GBF1: variants seen among roughly 807,000 people sequenced by gnomAD.
The protein encoded by GBF1 is golgi brefeldin A resistant guanine nucleotide exchange factor 1.
GBF1 carries 114 observed loss-of-function variants against 210.5 expected under a neutral mutation model. The ratio of observed to expected loss-of-function variants is 0.54; its 90% CI spans 0.47 to 0.63. The LOEUF is 0.63. GBF1 is among the 30% of genes least tolerant of loss of function. GBF1 has a pLI of 0.00. For missense variants in GBF1, 1,851 were observed against 2,357.7 expected, an observed-to-expected ratio of 0.79 and a Z score of 4.45; for synonymous variants, 850 against 889.2, an observed-to-expected ratio of 0.96 and a Z score of 0.78.
intron 3 of GBF1, among the ~76,000 whole-genome samples, chr10:102,286,421 G>A (rs1023303595): frequency 1.3e-5 from 2 of 152,184 alleles, no homozygotes; most frequent in African/African-American, 4.8e-5. Context: ...TTAGGTCCCA[G>A]TGGGATTATT....
At chr10:102,288,947 A>G (rs2076215148) in intron 3 of GBF1, among the ~76,000 whole-genome samples, 1 of 151,916 alleles carries the variant, frequency 6.6e-6, no homozygotes, top group South Asian at 2.1e-4. Flanking sequence ...CTGAAAATAC[A>G]AAAAAATTAT....
intron 36 of GBF1, 23 bp downstream of exon 36, chr10:102,379,977 C>A (rs762571192): frequency 4.1e-6 from 6 of 1,459,370 alleles, no homozygotes; most frequent in East Asian, 4.6e-5. Flanking sequence ...ACCCTATACC[C>A]ACCCTCTCTC....
chr10:102,374,996 C>A (rs1421915293), intron 29 of GBF1, among the ~76,000 whole-genome samples: 1 of 151,566 alleles, frequency 6.6e-6, no homozygotes, highest in African/African-American at 2.4e-5. Flanking sequence ...CATAGCGAGA[C>A]CCCATCTTTC....
At chr10:102,319,724 C>CTTTTTTTTTTTT (rs2056214057) in intron 3 of GBF1, among the ~76,000 whole-genome samples, 1 of 144,510 alleles carries the variant, frequency 6.9e-6, no homozygotes, top group Non-Finnish European at 1.5e-5. Context: ...TTTTCTTTTT[C>CTTTTTTTTTTTT]TTTCTTTTTT....
At chr10:102,231,185 C>T in the GBF1 span, 5 of 1,315,632 alleles carry the variant, frequency 3.8e-6, no homozygotes, top group Middle Eastern at 2.1e-4. Flanking sequence ...GGGCTTCCAG[C>T]CGGGGCCCTG....
intron 1 of GBF1, among the ~76,000 whole-genome samples, chr10:102,258,088 A>G (rs946987372): frequency 6.6e-6 from 1 of 151,378 alleles, no homozygotes; most frequent in Non-Finnish European, 1.5e-5. Context: ...AAAGACCCCC[A>G]GGAGAGCCAG....
Position 102,366,439 on chromosome 10 carries a change from C to G in GBF1, c.2366C>G (p.Ala789Gly), listed in dbSNP as rs779808759. 2 of 1,613,856 alleles carry G rather than the reference C, an allele frequency of 1.2e-6. No homozygotes were observed. The highest frequency in any genetic ancestry group is 2.2e-5 in the East Asian group (1 of 44,896). The change falls in exon 19 of 40, where the codon GCC becomes GGC. Residue 789 changes from alanine to glycine, a missense_variant. By Grantham distance (60) the Ala-to-Gly change is moderately conservative. This residue lies in a region of GBF1 where 80 missense variants were observed against 151.4 expected (regional missense o/e 0.53). Coordinates refer to ENST00000369983, the MANE Select transcript of GBF1 (RefSeq NM_001377137.1). This position sits in a 1 kb window ranked among gnomAD's most constrained non-coding sequence, Gnocchi z 4.0. Reference sequence around the variant, plus strand: ...GAAGCCCTCCGCCTCTACCTGGAAGCCTTCCGTTTGCCTGGGGAAGCACCA... The same window carrying G: ...GAAGCCCTCCGCCTCTACCTGGAAGGCTTCCGTTTGCCTGGGGAAGCACCA... ...LDEALRLYLE[A>G]FRLPGEAPVI...
In GBF1 at chr10:102,248,539, G is replaced by A. The variant is rs562150334; in HGVS notation, c.-11+2758G>A. On this transcript the variant is annotated intron_variant, in intron 1 of 39. Transcript: ENST00000369983. ...TGTGCCTAAATGCCAGGCAGGTAAT[G>A]TAAATGAGTTAATTGAGTCCCATGG... 7.2e-5 allele frequency among the ~76,000 whole-genome samples: 11 copies of A among 152,280 alleles called. No homozygotes were observed. The South Asian group carries it at 2.1e-3, about 29-fold the overall frequency.
At chr10:102,246,761 G>C (rs1161968659) in intron 1 of GBF1, among the ~76,000 whole-genome samples, 1 of 152,180 alleles carries the variant, frequency 6.6e-6, no homozygotes, top group African/African-American at 2.4e-5. Context: ...AGTCCACCAA[G>C]GGTAACGAAT....
At chr10:102,378,228 A>G (rs1013748720) in intron 33 of GBF1, among the ~76,000 whole-genome samples, 66 of 152,018 alleles carry the variant, frequency 4.3e-4, no homozygotes, top group African/African-American at 1.5e-3. Flanking sequence ...AAAAAAAAAA[A>G]AAAGAAAGAA....
chr10:102,382,280 C>T lies in GBF1; in HGVS notation c.5527C>T (p.Pro1843Ser), dbSNP rs2060905678. The T allele has an allele frequency of 2.5e-6, 4 of 1,613,896 alleles. No individual in the cohort carries two copies. The highest frequency in any genetic ancestry group is 3.4e-6 in the Non-Finnish European group (4 of 1,179,852). Residue 1843 changes from proline (P) to serine (S), a missense_variant, in exon 40 of 40, where the codon CCC (proline) becomes TCC (serine). Pro to Ser is a moderately conservative substitution (Grantham distance 74, BLOSUM62 -1). Coordinates refer to ENST00000369983, the MANE Select transcript of GBF1 (RefSeq NM_001377137.1). ...PALIEATSPV[P>S]LLATPRPTDP... ...GCTCATCGAGGCCACCTCACCAGTG[C>T]CCCTCCTGGCCACACCCCGCCCCAC...
intron 8 of GBF1, 134 bp downstream of exon 8, chr10:102,353,788 C>T (rs1297905383): frequency 4.5e-6 from 3 of 662,068 alleles, no homozygotes; most frequent in Admixed American, 2.6e-5. Flanking sequence ...AAGTAGCTCT[C>T]ACTCCTTTCG....
chr10:102,380,293 T>C lies in GBF1; in HGVS notation c.4923T>C (p.Phe1641=). Residue 1641 remains phenylalanine (F), a synonymous_variant, in exon 37 of 40, where the codon TTT becomes TTC. Transcript: ENST00000369983. ...CTCCACTGCTGTCACTCTCTACCTT[T>C]GCGGCCCTCTGGCTCACCATCTTGG... ...HLSPLLSLST[F]AALWLTILDF... 6.2e-7 allele frequency: 1 copy of C among 1,614,070 alleles called. No homozygotes were observed. The highest frequency in any genetic ancestry group is 8.5e-7 in the Non-Finnish European group (1 of 1,179,960).
intron 3 of GBF1, among the ~76,000 whole-genome samples, chr10:102,293,934 C>T (rs961123361): frequency 2.6e-5 from 4 of 151,418 alleles, no homozygotes; most frequent in South Asian, 4.2e-4. Context: ...CCCACCACCA[C>T]GCCCAGCTAA....
chr10:102,317,564 G>T (rs1464066469), intron 3 of GBF1, among the ~76,000 whole-genome samples: 1 of 152,144 alleles, frequency 6.6e-6, no homozygotes, highest in Middle Eastern at 3.4e-3. Flanking sequence ...GGTTGCTGTG[G>T]CCAAAATCAC....
chr10:102,273,686 G>GT (rs1384407469), intron 3 of GBF1, among the ~76,000 whole-genome samples: 1 of 152,234 alleles, frequency 6.6e-6, no homozygotes, highest in Non-Finnish European at 1.5e-5. Flanking sequence ...TTGGGAATGA[G>GT]TGGATTCTTC....
At chr10:102,249,950 A>G (rs1369236447) in intron 1 of GBF1, among the ~76,000 whole-genome samples, 2 of 152,252 alleles carry the variant, frequency 1.3e-5, no homozygotes, top group South Asian at 2.1e-4. Flanking sequence ...TCGGCCTCCC[A>G]AAGTGCTGGG....
intron 3 of GBF1, among the ~76,000 whole-genome samples, chr10:102,329,976 G>A (rs1466449127): frequency 6.6e-6 from 1 of 152,092 alleles, no homozygotes; most frequent in Admixed American, 6.6e-5. Flanking sequence ...TGGGCATGGT[G>A]GCACATGCCA....
Position 102,275,011 on chromosome 10 carries a change from C to CTT in GBF1, c.163+14912_163+14913dup, listed in dbSNP as rs55784094. ...ACAGGTGTGATCCACCGCGCCAGGA[C>CTT]TTTTTTTTTTTTTTTTTTGAGACAG... is the stretch of plus-strand genomic sequence containing the variant. On this transcript the variant is annotated intron_variant, in intron 3 of 39. Coordinates refer to ENST00000369983, the MANE Select transcript of GBF1 (RefSeq NM_001377137.1). Among the ~76,000 whole-genome samples the CTT allele has an allele frequency of 2.5e-3, 311 of 124,784 alleles. 3 individuals carry two copies. The highest frequency in any genetic ancestry group is 7.9e-3 in the African/African-American group (255 of 32,312). 81.9% of individuals were successfully genotyped at this position (124,784 alleles called of 152,430 possible).
Sources: gnomAD v4.1 joint callset for allele counts (sites outside exome capture counted in the v4.1 genomes callset) on GRCh38, gnomAD v4.1.1 for gene constraint, gnomAD v4.1.1 regional missense constraint, Gnocchi (gnomAD v3.1) non-coding constraint, MANE v1.5 for transcripts, NCBI Gene and HGNC (gene_info 2026-07-23, HGNC 2026-07-21) for gene names.